ADAMTS6: variants seen among roughly 807,000 people sequenced by gnomAD.
ADAMTS6 encodes the protein A disintegrin and metalloproteinase with thrombospondin motifs 6.
In ADAMTS6, 23 loss-of-function variants were observed where a neutral mutation model predicts 144.3. That is an observed-to-expected ratio of 0.16 (90% CI 0.11 to 0.23). The LOEUF (loss-of-function observed/expected upper bound fraction) is 0.23, where lower values mean the gene tolerates loss of function less well. ADAMTS6 is among the 10% of genes least tolerant of loss of function. The pLI, the probability that ADAMTS6 is intolerant of heterozygous loss-of-function variation, is 1.00. For missense variants in ADAMTS6, 999 were observed against 1,379.6 expected (o/e 0.72, Z 4.37); for synonymous variants, 444 against 457.5 (o/e 0.97, Z 0.38).
chr5:65,348,504 G>A (rs1240960405), intron 7 of ADAMTS6, among the ~76,000 whole-genome samples: 1 of 152,078 alleles, frequency 6.6e-6, no homozygotes, highest in Non-Finnish European at 1.5e-5. Flanking sequence ...GCTAGGGATG[G>A]GAGAGAAGGG....
rs1227787352 is a variant in ADAMTS6 at position 65,374,395 on chromosome 5, A to G, written c.1074-40310T>C. 4.0e-5 allele frequency among the ~76,000 whole-genome samples: 6 copies of G among 149,348 alleles called. No homozygotes were observed. The East Asian group carries it at 5.8e-4, about 15-fold the overall frequency. ...AGCCCAAAATCTCCTTAAGCTGATAAGCAACTTCAGCAAAGTCTCAGGATA... is the reference window on the plus strand; with the variant it reads ...AGCCCAAAATCTCCTTAAGCTGATAGGCAACTTCAGCAAAGTCTCAGGATA... On this transcript the variant is annotated intron_variant, in intron 7 of 24. Transcript: ENST00000381055.
chr5:65,386,132 C>T (rs1752457041), intron 7 of ADAMTS6, among the ~76,000 whole-genome samples: 1 of 152,280 alleles, frequency 6.6e-6, no homozygotes, highest in South Asian at 2.1e-4. Context: ...AATGATTTCT[C>T]AACTACATCT....
At chr5:65,191,815 T>C (rs1755032433) in intron 21 of ADAMTS6, among the ~76,000 whole-genome samples, 1 of 152,110 alleles carries the variant, frequency 6.6e-6, no homozygotes, top group African/African-American at 2.4e-5. Flanking sequence ...AAAATCAACA[T>C]AATAAACATC....
intron 9 of ADAMTS6, among the ~76,000 whole-genome samples, chr5:65,308,282 ATGCATTGTGC>A (rs1212247325): frequency 6.6e-6 from 1 of 152,234 alleles, no homozygotes; most frequent in Non-Finnish European, 1.5e-5. Flanking sequence ...ACTGGTGCCT[ATGCATTGTGC>A]TCCATGTAAA....
At chr5:65,436,857 C>CAA (rs34040574) in intron 7 of ADAMTS6, among the ~76,000 whole-genome samples, 16 of 114,634 alleles carry the variant, frequency 1.4e-4, no homozygotes, top group Admixed American at 1.8e-4. Flanking sequence ...GACTCTGTCT[C>CAA]AAAAAAAAAA....
At chr5:65,306,891 A>G (rs1025656682) in intron 9 of ADAMTS6, among the ~76,000 whole-genome samples, 1 of 152,156 alleles carries the variant, frequency 6.6e-6, no homozygotes, top group African/African-American at 2.4e-5. Flanking sequence ...ATTAATTTGT[A>G]GTTCTTTATA....
chr5:65,385,991 G>A (rs1752440652), intron 7 of ADAMTS6, among the ~76,000 whole-genome samples: 1 of 152,136 alleles, frequency 6.6e-6, no homozygotes, highest in South Asian at 2.1e-4. Context: ...GAAAAGATAA[G>A]CTGTTCACGG....
intron 7 of ADAMTS6, among the ~76,000 whole-genome samples, chr5:65,376,603 A>G (rs1050164230): frequency 1.3e-5 from 2 of 152,200 alleles, no homozygotes; most frequent in Non-Finnish European, 2.9e-5. Flanking sequence ...AGGCCAAGGC[A>G]GGTGGATCAA....
At chr5:65,190,616 A>C (rs538605717) in intron 21 of ADAMTS6, among the ~76,000 whole-genome samples, 6 of 152,298 alleles carry the variant, frequency 3.9e-5, no homozygotes, top group Non-Finnish European at 7.4e-5. Flanking sequence ...ATGATTCAGA[A>C]GTGTTGCAAA....
At position 65,413,000 on chromosome 5, in the gene ADAMTS6, G is replaced by A. The variant is rs537216982; in HGVS notation, c.1073+38475C>T. ...GCAATCCTCTATAGCTTGCTTAATA[G>A]TTTGCTAACAAACAGTTCCAACCTA... is the stretch of plus-strand genomic sequence containing the variant. On this transcript the variant is annotated intron_variant, in intron 7 of 24. Coordinates refer to ENST00000381055, the MANE Select transcript of ADAMTS6 (RefSeq NM_197941.4). Among the ~76,000 whole-genome samples, 6 of 152,180 alleles carry A rather than the reference G, an allele frequency of 3.9e-5. No individual in the cohort carries two copies. The South Asian group carries it at 1.2e-3, about 32-fold the overall frequency.
intron 8 of ADAMTS6, among the ~76,000 whole-genome samples, chr5:65,332,304 T>TAGAG (rs1472009777): frequency 1.7e-5 from 2 of 117,860 alleles, no homozygotes; most frequent in African/African-American, 2.8e-5. Flanking sequence ...TATATATATA[T>TAGAG]ATATATATAG....
At chr5:65,398,792 G>GAAAGAAAGAAAGA (rs1554083181) in intron 7 of ADAMTS6, among the ~76,000 whole-genome samples, 2 of 48,868 alleles carry the variant, frequency 4.1e-5, no homozygotes, top group South Asian at 7.4e-4. Flanking sequence ...AAGAAAGAAA[G>GAAAGAAAGAAAGA]AAAGAAAGAA....
At chr5:65,466,768 C>A (rs1333549862) in intron 3 of ADAMTS6, among the ~76,000 whole-genome samples, 5 of 152,122 alleles carry the variant, frequency 3.3e-5, no homozygotes. Flanking sequence ...ATAGGCCGGG[C>A]GCGGTGGCTC....
At chr5:65,222,129 T>A (rs192583066) in intron 18 of ADAMTS6, among the ~76,000 whole-genome samples, 6 of 152,322 alleles carry the variant, frequency 3.9e-5, no homozygotes, top group African/African-American at 1.2e-4. Context: ...CATGCTAATA[T>A]GTATATAGAA....
intron 9 of ADAMTS6, among the ~76,000 whole-genome samples, chr5:65,304,269 T>G (rs1743723901): frequency 6.6e-6 from 1 of 152,198 alleles, no homozygotes; most frequent in Non-Finnish European, 1.5e-5. Context: ...CAATGTTAAG[T>G]TTACAACTGA....
At chr5:65,263,359 C>A (rs1393037431) in intron 12 of ADAMTS6, among the ~76,000 whole-genome samples, 2 of 146,788 alleles carry the variant, frequency 1.4e-5, no homozygotes, top group South Asian at 2.1e-4. Flanking sequence ...GGAATGATAA[C>A]GCAATATGGA....
At chr5:65,411,734 CA>C (rs1391920184) in intron 7 of ADAMTS6, among the ~76,000 whole-genome samples, 1 of 152,140 alleles carries the variant, frequency 6.6e-6, no homozygotes, top group Non-Finnish European at 1.5e-5. Context: ...ACAATTTAGT[CA>C]CTGAAAACAT....
chr5:65,196,610 C>G (rs1755398711), intron 21 of ADAMTS6, among the ~76,000 whole-genome samples: 1 of 137,648 alleles, frequency 7.3e-6, no homozygotes, highest in South Asian at 2.4e-4. Context: ...AAATAAATCA[C>G]TATATTTTAT....
chr5:65,224,777 A>G (rs536497705), intron 17 of ADAMTS6, 147 bp downstream of exon 17: 2 of 861,774 alleles, frequency 2.3e-6, no homozygotes, highest in Non-Finnish European at 3.5e-6. Context: ...AGCCACATTT[A>G]ACACTAAAAT....
Sources: gnomAD v4.1 joint callset for allele counts (sites outside exome capture counted in the v4.1 genomes callset) on GRCh38, gnomAD v4.1.1 for gene constraint, MANE v1.5 for transcripts, NCBI Gene and HGNC (gene_info 2026-07-23, HGNC 2026-07-21) for gene names.